SEMA6D: variants seen among roughly 807,000 people sequenced by gnomAD.
The protein encoded by SEMA6D is semaphorin-6D.
Under a neutral mutation model 106.6 loss-of-function variants are expected in SEMA6D, and 35 were observed. The observed-to-expected ratio is 0.33, with a 90% confidence interval of 0.25 to 0.44. SEMA6D has a LOEUF of 0.44. Among genes scored for constraint, SEMA6D ranks in the 20% least tolerant of loss-of-function variants. The pLI is 1.00. For synonymous variants in SEMA6D, 499 were observed against 487.7 expected (o/e 1.02, Z -0.31); for missense variants, 1,185 against 1,345.9 (o/e 0.88, Z 1.87).
intron 4 of SEMA6D, among the ~76,000 whole-genome samples, chr15:47,656,053 A>T (rs1354408597): frequency 6.6e-6 from 1 of 152,218 alleles, no homozygotes. Context: ...ATGGCTCCCA[A>T]CCATAATGCT....
At chr15:47,210,129 C>T (rs949840100) in intron 1 of SEMA6D, among the ~76,000 whole-genome samples, 1 of 152,144 alleles carries the variant, frequency 6.6e-6, no homozygotes, top group Non-Finnish European at 1.5e-5. Context: ...ATATGTTTAA[C>T]TGATTAAATC....
chr15:47,247,770 A>G (rs555864332), intron 1 of SEMA6D, among the ~76,000 whole-genome samples: 6 of 152,198 alleles, frequency 3.9e-5, no homozygotes, highest in Non-Finnish European at 7.3e-5. Context: ...GAGAAGAAAT[A>G]GTCTAACTCT....
chr15:47,278,404 A>G (rs1766187859), intron 1 of SEMA6D, among the ~76,000 whole-genome samples: 1 of 152,184 alleles, frequency 6.6e-6, no homozygotes, highest in Admixed American at 6.5e-5. Context: ...GGCTGCATAA[A>G]TGTCTTCTTT....
At chr15:47,731,574 A>G (rs1215499641) in intron 1 of SEMA6D, among the ~76,000 whole-genome samples, 1 of 152,204 alleles carries the variant, frequency 6.6e-6, no homozygotes, top group Non-Finnish European at 1.5e-5. Context: ...ACCTGAAGTG[A>G]TGTCCCAGCT....
rs192013434 is a variant in SEMA6D, at chr15:47,494,664, C to T, written c.-87+24119C>T. Among the ~76,000 whole-genome samples, 785 of 143,796 alleles carry T rather than the reference C, an allele frequency of 5.5e-3. 3 individuals carry two copies. Among genetic ancestry groups the T allele is most frequent in the Non-Finnish European group, 8.8e-3 (582 of 65,902 alleles). 94.3% of individuals were successfully genotyped at this position (143,796 alleles called of 152,430 possible). A position where few individuals can be genotyped will look rare whatever the true frequency, so the allele number is the denominator to read the frequency against. ...TTTGGCAGCATATTTTATTATAATTCAAAATACTTGAATTCTTTTCTCTTA... is the reference window on the plus strand; with the variant it reads ...TTTGGCAGCATATTTTATTATAATTTAAAATACTTGAATTCTTTTCTCTTA... On this transcript the variant is annotated intron_variant, in intron 3 of 19. Coordinates refer to the SEMA6D transcript ENST00000558014.
intron 4 of SEMA6D, among the ~76,000 whole-genome samples, chr15:47,706,850 A>T (rs1230284129): frequency 1.3e-5 from 2 of 152,220 alleles, no homozygotes; most frequent in Non-Finnish European, 1.5e-5. Context: ...TAATCCTATA[A>T]CTATTACATG....
At chr15:47,232,526 GGTGTGTGTGTGT>G (rs60261871) in intron 1 of SEMA6D, among the ~76,000 whole-genome samples, 1 of 148,028 alleles carries the variant, frequency 6.8e-6, no homozygotes, top group Non-Finnish European at 1.5e-5. Flanking sequence ...ATGGGGGGAG[GGTGTGTGTGTGT>G]GTGTGTGTGT....
chr15:47,662,009 G>A (rs1207289212), intron 4 of SEMA6D, among the ~76,000 whole-genome samples: 2 of 152,152 alleles, frequency 1.3e-5, no homozygotes, highest in Non-Finnish European at 2.9e-5. Flanking sequence ...GTCTTCAGAT[G>A]TGGTCTGCAA....
At chr15:47,742,518 A>C (rs1265104829) in intron 1 of SEMA6D, among the ~76,000 whole-genome samples, 1 of 152,202 alleles carries the variant, frequency 6.6e-6, no homozygotes, top group Non-Finnish European at 1.5e-5. Context: ...CTTGAGATAG[A>C]GCCTAGGGCC....
chr15:47,254,329 G>GTATATATATATATATA (rs201817469), intron 1 of SEMA6D, among the ~76,000 whole-genome samples: 39 of 132,652 alleles, frequency 2.9e-4, no homozygotes, highest in Non-Finnish European at 5.6e-4. Flanking sequence ...ATGTGTGTGT[G>GTATATATATATATATA]TGTATATATA....
At chr15:47,653,356 A>T (rs1235858414) in intron 4 of SEMA6D, among the ~76,000 whole-genome samples, 1 of 152,254 alleles carries the variant, frequency 6.6e-6, no homozygotes, top group Non-Finnish European at 1.5e-5. Context: ...TATGCAATGA[A>T]AATAAAAATC....
chr15:47,422,718 T>A (rs889470360), intron 2 of SEMA6D, among the ~76,000 whole-genome samples: 2 of 152,122 alleles, frequency 1.3e-5, no homozygotes, highest in Admixed American at 1.3e-4. Context: ...TGCTTCCACA[T>A]AATCATACCT....
At chr15:47,500,322 T>A (rs990390966) in intron 3 of SEMA6D, among the ~76,000 whole-genome samples, 20 of 152,012 alleles carry the variant, frequency 1.3e-4, no homozygotes, top group African/African-American at 4.8e-4. Context: ...AAAAAAAATA[T>A]AAAGATACCA....
At chr15:47,574,491 A>T (rs1395587524) in intron 3 of SEMA6D, among the ~76,000 whole-genome samples, 1 of 152,192 alleles carries the variant, frequency 6.6e-6, no homozygotes, top group African/African-American at 2.4e-5. Context: ...TTTTCACCCC[A>T]AAAGGGAAGC....
At chr15:47,481,978 A>G (rs1292999903) in intron 3 of SEMA6D, among the ~76,000 whole-genome samples, 1 of 152,148 alleles carries the variant, frequency 6.6e-6, no homozygotes, top group East Asian at 1.9e-4. Flanking sequence ...AAGGATAGCT[A>G]TTTCAGGTAC....
chr15:47,405,956 A>G (rs2040551326), intron 1 of SEMA6D, among the ~76,000 whole-genome samples: 2 of 152,212 alleles, frequency 1.3e-5, no homozygotes, highest in Non-Finnish European at 2.9e-5. Context: ...CCCTACAGCG[A>G]TTCAGAAGTA....
chr15:47,730,194 T>C (rs2080022877), intron 1 of SEMA6D: 10 of 1,543,514 alleles, frequency 6.5e-6, no homozygotes, highest in Admixed American at 3.3e-5. Flanking sequence ...AGCTTGGCGA[T>C]GCGAGCCACA....
At chr15:47,701,573 T>C (rs927876351) in intron 4 of SEMA6D, among the ~76,000 whole-genome samples, 2 of 152,238 alleles carry the variant, frequency 1.3e-5, no homozygotes, top group African/African-American at 4.8e-5. Context: ...GTAAGCTCAA[T>C]TTAACCATCT....
intron 1 of SEMA6D, among the ~76,000 whole-genome samples, chr15:47,321,845 A>G (rs1347292214): frequency 1.3e-5 from 2 of 152,176 alleles, no homozygotes; most frequent in African/African-American, 2.4e-5. Context: ...TAATAAAACA[A>G]TCTTTCTCCT....
Sources: allele counts gnomAD v4.1 joint callset (sites outside exome capture counted in the v4.1 genomes callset), GRCh38; gene constraint gnomAD v4.1.1; transcripts MANE v1.5; gene names NCBI Gene and HGNC (gene_info 2026-07-23, HGNC 2026-07-21).